Variants in MYO16 observed in about 807,000 individuals in gnomAD.
The protein encoded by MYO16 is myosin XVI.
Under a neutral mutation model 205.3 loss-of-function variants are expected in MYO16, and 94 were observed. The ratio of observed to expected loss-of-function variants is 0.46; its 90% CI spans 0.39 to 0.54. MYO16 has a LOEUF of 0.54. MYO16 is among the 20% of genes least tolerant of loss of function. The pLI is 0.00. For synonymous variants in MYO16, 988 were observed against 954.0 expected (o/e 1.04, Z -0.66); for missense variants, 2,315 against 2,387.5 (o/e 0.97, Z 0.63).
chr13:108,996,222 A>G (rs1884998999), intron 21 of MYO16, among the ~76,000 whole-genome samples: 1 of 152,254 alleles, frequency 6.6e-6, no homozygotes, highest in Non-Finnish European at 1.5e-5. Context: ...CACATAGCTC[A>G]GCAGTAATTT....
At chr13:108,927,118 G>A (rs1353978793) in intron 16 of MYO16, among the ~76,000 whole-genome samples, 1 of 145,028 alleles carries the variant, frequency 6.9e-6, no homozygotes, top group South Asian at 2.1e-4. Context: ...AACAACTGAA[G>A]AGAGAGAGAG....
chr13:108,819,366 A>G (rs1380572606), intron 7 of MYO16, among the ~76,000 whole-genome samples: 4 of 152,302 alleles, frequency 2.6e-5, no homozygotes, highest in African/African-American at 9.6e-5. Flanking sequence ...GCAAGAATCT[A>G]TACGATAGGA....
intron 16 of MYO16, among the ~76,000 whole-genome samples, chr13:108,952,788 CAA>C (rs1470025367): frequency 1.3e-5 from 2 of 152,030 alleles, no homozygotes; most frequent in African/African-American, 4.8e-5. Flanking sequence ...TTCCAAGTTC[CAA>C]AGAGGATAAG....
At chr13:108,508,225 G>T in the MYO16 span, among the ~76,000 whole-genome samples, 3 of 143,594 alleles carry the variant, frequency 2.1e-5, no homozygotes, top group East Asian at 6.3e-4. Context: ...TGTATGCCTT[G>T]TAGTTTTTTG....
chr13:108,830,729 G>A (rs1876569882), intron 9 of MYO16, among the ~76,000 whole-genome samples: 1 of 151,884 alleles, frequency 6.6e-6, no homozygotes, highest in African/African-American at 2.4e-5. Context: ...CCGGCCCATT[G>A]TGCACAGGTA....
intron 23 of MYO16, among the ~76,000 whole-genome samples, chr13:109,044,953 G>A (rs764513963): frequency 3.9e-5 from 6 of 152,190 alleles, no homozygotes; most frequent in Admixed American, 1.3e-4. Context: ...CTCCCAAAGT[G>A]CTGGGATTAC....
At chr13:108,702,375 G>A (rs1883342498) in intron 2 of MYO16, among the ~76,000 whole-genome samples, 1 of 152,172 alleles carries the variant, frequency 6.6e-6, no homozygotes, top group African/African-American at 2.4e-5. Flanking sequence ...AACCATGGAA[G>A]CCAAAATGCA....
chr13:108,722,351 A>G (rs1211717681), intron 3 of MYO16, among the ~76,000 whole-genome samples: 2 of 152,330 alleles, frequency 1.3e-5, no homozygotes, highest in East Asian at 1.9e-4. Context: ...TAGATTTACT[A>G]CATAACAATA....
chr13:108,915,026 A>T (rs1881429192), intron 16 of MYO16, among the ~76,000 whole-genome samples: 1 of 152,238 alleles, frequency 6.6e-6, no homozygotes, highest in African/African-American at 2.4e-5. Flanking sequence ...TGAAAGTATC[A>T]CATGAAAATT....
chr13:109,030,508 A>G (rs1322192508), intron 23 of MYO16, among the ~76,000 whole-genome samples: 1 of 152,174 alleles, frequency 6.6e-6, no homozygotes, highest in African/African-American at 2.4e-5. Context: ...TTTAATTCCA[A>G]CCACTTATTT....
At chr13:108,908,686 A>T (rs1039346644) in intron 15 of MYO16, among the ~76,000 whole-genome samples, 2 of 152,180 alleles carry the variant, frequency 1.3e-5, no homozygotes, top group Admixed American at 1.3e-4. Context: ...TTAAAATTGA[A>T]ATGCAGGTCT....
At chr13:108,898,535 TC>T (rs1566399188) in intron 15 of MYO16, among the ~76,000 whole-genome samples, 1 of 152,130 alleles carries the variant, frequency 6.6e-6, no homozygotes, top group African/African-American at 2.4e-5. Context: ...AGCTGAATTA[TC>T]CTTGCTGAAC....
chr13:108,653,171 G>A (rs1420608029), intron 1 of MYO16, among the ~76,000 whole-genome samples: 3 of 152,070 alleles, frequency 2.0e-5, no homozygotes, highest in Non-Finnish European at 4.4e-5. Flanking sequence ...TGCTTGTTGG[G>A]AATTTGTATA....
intron 2 of MYO16, 78 bp downstream of exon 2, chr13:108,666,227 A>G: frequency 7.7e-6 from 11 of 1,434,284 alleles, no homozygotes; most frequent in South Asian, 7.0e-5. Flanking sequence ...TGTTTTTTTG[A>G]TGGAGAGATG....
At chr13:108,977,546 TATC>T (rs1255842090) in intron 20 of MYO16, among the ~76,000 whole-genome samples, 1 of 152,170 alleles carries the variant, frequency 6.6e-6, no homozygotes, top group African/African-American at 2.4e-5. Flanking sequence ...CTTCAGGCCT[TATC>T]ATAGACATTC....
chr13:109,190,810 G>A (rs1187169771), intron 34 of MYO16, among the ~76,000 whole-genome samples: 2 of 152,096 alleles, frequency 1.3e-5, no homozygotes, highest in African/African-American at 4.8e-5. Flanking sequence ...AATATGCAAG[G>A]TTTGTAACTC....
chr13:108,714,131 A>G (rs1883834113), intron 3 of MYO16, among the ~76,000 whole-genome samples: 1 of 152,058 alleles, frequency 6.6e-6, no homozygotes, highest in Admixed American at 6.6e-5. Flanking sequence ...ATCTCGGCTC[A>G]CTGCAAGCTC....
Position 108,677,356 on chromosome 13 carries a change from C to CATATAT in MYO16, c.292+11218_292+11223dup, listed in dbSNP as rs200135645. ...GTGTGTATATATATATATATATATG[C>CATATAT]ATATATATATATATATGCATATATA... On this transcript the variant is annotated intron_variant, in intron 2 of 34. Transcript: ENST00000457511. 9.4e-3 allele frequency among the ~76,000 whole-genome samples: 924 copies of CATATAT among 98,502 alleles called. 20 individuals carry two copies. The highest frequency in any genetic ancestry group is 0.031 in the African/African-American group (869 of 28,370). 64.6% of individuals were successfully genotyped at this position (98,502 alleles called of 152,430 possible).
intron 2 of MYO16, among the ~76,000 whole-genome samples, chr13:108,675,875 G>C (rs969476642): frequency 2.0e-5 from 3 of 152,198 alleles, no homozygotes; most frequent in Non-Finnish European, 2.9e-5. Flanking sequence ...TGATACTTAA[G>C]AGCTGTCTGT....
Sources: gnomAD v4.1 joint callset for allele counts (sites outside exome capture counted in the v4.1 genomes callset) on GRCh38, gnomAD v4.1.1 for gene constraint, MANE v1.5 for transcripts, NCBI Gene and HGNC (gene_info 2026-07-23, HGNC 2026-07-21) for gene names.